ATP6V1B1: variants seen among roughly 807,000 people sequenced by gnomAD.
ATP6V1B1 encodes ATPase H+ transporting V1 subunit B1, also known as V-type proton ATPase subunit B, kidney isoform.
In ATP6V1B1, 41 loss-of-function variants were observed where a neutral mutation model predicts 62.1. That is an observed-to-expected ratio of 0.66 (90% CI 0.51 to 0.86). The LOEUF (loss-of-function observed/expected upper bound fraction) is 0.86. ATP6V1B1 is among the 40% of genes least tolerant of loss of function. The pLI is 0.00. For missense variants in ATP6V1B1, 651 were observed against 697.5 expected, an observed-to-expected ratio of 0.93 and a Z score of 0.75; for synonymous variants, 253 against 273.4, an observed-to-expected ratio of 0.93 and a Z score of 0.74.
At chr2:70,957,522 C>G (rs1000890034) in intron 2 of ATP6V1B1, among the ~76,000 whole-genome samples, 1 of 152,134 alleles carries the variant, frequency 6.6e-6, no homozygotes, top group Non-Finnish European at 1.5e-5. Flanking sequence ...CAGAGGGAAG[C>G]ACTTTGCGAG....
chr2:70,935,922 T>G lies in ATP6V1B1; in HGVS notation c.-33T>G. 1 of 1,590,056 alleles carries G rather than the reference T, an allele frequency of 6.3e-7. No homozygotes were observed. Among genetic ancestry groups the G allele is most frequent in the South Asian group, 1.1e-5 (1 of 89,716 alleles). The stretch of plus-strand genomic sequence containing the variant: ...CTCAGAGCTGCCACCAGCAGCAGGC[T>G]CAGACACTGGGCTCCCAGCTGGGGA... On this transcript the variant is annotated 5_prime_UTR_variant, in exon 1 of 14. Transcript: ENST00000234396.
intron 8 of ATP6V1B1, 73 bp downstream of exon 8, chr2:70,961,766 G>T: frequency 7.2e-7 from 1 of 1,397,942 alleles, no homozygotes; most frequent in Non-Finnish European, 1.0e-6. Flanking sequence ...TACAGTACCA[G>T]GGCTCCAGGG....
chr2:70,950,303 TATTCTCAGAC>T, intron 2 of ATP6V1B1, among the ~76,000 whole-genome samples: 1 of 152,314 alleles, frequency 6.6e-6, no homozygotes, highest in South Asian at 2.1e-4. Flanking sequence ...CTACTTTGGC[TATTCTCAGAC>T]ATTTATGTGA....
At chr2:70,953,702 T>C (rs1281955875) in intron 2 of ATP6V1B1, among the ~76,000 whole-genome samples, 6 of 152,236 alleles carry the variant, frequency 3.9e-5, no homozygotes, top group African/African-American at 1.4e-4. Context: ...ATCAAGGCTA[T>C]AATTGCCTCA....
intron 1 of ATP6V1B1, chr2:70,941,031 C>T (rs542611290): frequency 6.1e-5 from 36 of 587,526 alleles, no homozygotes; most frequent in African/African-American, 1.6e-4. Context: ...GATCCTCCCA[C>T]CTCAGCCTCC....
chr2:70,961,115 G>GCTTCC, intron 7 of ATP6V1B1, 93 bp downstream of exon 7: 6 of 1,321,726 alleles, frequency 4.5e-6, no homozygotes, highest in South Asian at 1.3e-5. Flanking sequence ...TGATGGGGAA[G>GCTTCC]CCATCAGTGT....
intron 2 of ATP6V1B1, chr2:70,957,723 A>T: frequency 2.6e-6 from 1 of 380,304 alleles, no homozygotes; most frequent in Non-Finnish European, 5.1e-6. Flanking sequence ...TCCACATTTT[A>T]AAGACGAGGA....
At chr2:70,961,902 T>G in intron 8 of ATP6V1B1, 1 of 614,256 alleles carries the variant, frequency 1.6e-6, no homozygotes, top group Non-Finnish European at 3.0e-6. Flanking sequence ...TGACTCTGTC[T>G]GCTGCCTGTG....
At chr2:70,946,556 C>T (rs1680179634) in intron 2 of ATP6V1B1, among the ~76,000 whole-genome samples, 1 of 152,306 alleles carries the variant, frequency 6.6e-6, no homozygotes, top group South Asian at 2.1e-4. Flanking sequence ...AGTTAGAGAA[C>T]CATCAATCTC....
chr2:70,960,028 C>A lies in ATP6V1B1; in HGVS notation c.535C>A (p.Arg179Ser). Reference protein sequence around the residue: ...SPIDVMNSIARGQKIPIFSAA... With the variant: ...SPIDVMNSIASGQKIPIFSAA... The stretch of plus-strand genomic sequence containing the variant: ...TATTGACGTCATGAACAGCATTGCC[C>A]GCGGCCAGAAGATCCCCATCTTCTC... The change falls in exon 6 of 14, where the codon CGC (arginine) becomes AGC (serine). Residue 179 changes from arginine (R) to serine (S), a missense_variant. Arg to Ser is a moderately radical substitution (Grantham distance 110). Coordinates refer to ENST00000234396, the MANE Select transcript of ATP6V1B1 (RefSeq NM_001692.4). The A allele has an allele frequency of 1.2e-6, 2 of 1,614,188 alleles. No individual in the cohort carries two copies. Among genetic ancestry groups the A allele is most frequent in the Non-Finnish European group, 1.7e-6 (2 of 1,180,036 alleles).
chr2:70,957,979 G>A, intron 2 of ATP6V1B1, 67 bp from the exon 3 acceptor site: 1 of 1,443,048 alleles, frequency 6.9e-7, no homozygotes, highest in Non-Finnish European at 9.6e-7. Flanking sequence ...GTCAGGGAGG[G>A]CCGGAGGAGG....
At chr2:70,944,355 T>C (rs782138354) in intron 2 of ATP6V1B1, 2 of 641,866 alleles carry the variant, frequency 3.1e-6, no homozygotes, top group Non-Finnish European at 4.5e-6. Context: ...TAAAGAGCCC[T>C]GCAAAGGTAC....
chr2:70,957,407 T>G (rs1680465742), intron 2 of ATP6V1B1, among the ~76,000 whole-genome samples: 1 of 152,156 alleles, frequency 6.6e-6, no homozygotes, highest in Admixed American at 6.5e-5. Flanking sequence ...GCCTGAGTTC[T>G]GTATATATTC....
Position 70,962,810 on chromosome 2 carries a change from G to T in ATP6V1B1, c.819G>T (p.Leu273=). The change falls in exon 9 of 14, where the codon CTG becomes CTT. Residue 273 remains leucine, a synonymous_variant. Transcript: ENST00000234396. ...IERIITPRLA[L]TTAEFLAYQC... ...GGATCATCACCCCGCGCCTGGCGCT[G>T]ACCACTGCTGAATTCCTTGCCTACC... 1.9e-6 allele frequency: 3 copies of T among 1,614,096 alleles called. No homozygotes were observed. Among genetic ancestry groups the T allele is most frequent in the South Asian group, 2.2e-5 (2 of 91,026 alleles).
At chr2:70,942,067 CAA>C in intron 1 of ATP6V1B1, 2 of 1,137,266 alleles carry the variant, frequency 1.8e-6, no homozygotes, top group Non-Finnish European at 2.2e-6. Flanking sequence ...CATGGGAAGA[CAA>C]GAGAGGGAGA....
Position 70,965,348 on chromosome 2 carries a change from C to A in ATP6V1B1, c.*227C>A. ...GGTGCTGCGGAAGAACTGAAGGTTG[C>A]GATGCCTTACTCTGACGGGAGCATC... On this transcript the variant is annotated 3_prime_UTR_variant, in exon 14 of 14. Coordinates refer to ENST00000234396, the MANE Select transcript of ATP6V1B1 (RefSeq NM_001692.4). 1 of 616,446 alleles carries A rather than the reference C, an allele frequency of 1.6e-6. No homozygotes were observed. Among genetic ancestry groups the A allele is most frequent in the Non-Finnish European group, 2.8e-6 (1 of 353,486 alleles). The allele number at this position is 616,446 out of a possible 1,614,324, so 38.2% of individuals were successfully genotyped here. A position where few individuals can be genotyped will look rare whatever the true frequency, so the allele number is the denominator to read the frequency against.
chr2:70,938,630 T>C (rs1572904815), intron 1 of ATP6V1B1: 10 of 984,884 alleles, frequency 1.0e-5, no homozygotes, highest in Non-Finnish European at 1.2e-5. Flanking sequence ...CTAGAAAGAG[T>C]GGAGGCAGCC....
At chr2:70,940,737 T>A (rs981606448) in intron 1 of ATP6V1B1, 1 of 985,308 alleles carries the variant, frequency 1.0e-6, no homozygotes, top group Non-Finnish European at 1.2e-6. Context: ...TGCAACCCTT[T>A]AGGCTGGTCA....
At chr2:70,957,357 C>T (rs916398492) in intron 2 of ATP6V1B1, among the ~76,000 whole-genome samples, 7 of 151,990 alleles carry the variant, frequency 4.6e-5, no homozygotes, top group Non-Finnish European at 1.0e-4. Context: ...ACCTCGGCCT[C>T]CCAAATTGCT....
Sources: gnomAD v4.1 joint callset for allele counts (sites outside exome capture counted in the v4.1 genomes callset) on GRCh38, gnomAD v4.1.1 for gene constraint, MANE v1.5 for transcripts, NCBI Gene and HGNC (gene_info 2026-07-23, HGNC 2026-07-21) for gene names.